The following IPO13 variants were observed in gnomAD, a reference collection of about 807,000 sequenced individuals.
The protein encoded by IPO13 is importin 13, also known as importin-13.
In IPO13, 28 loss-of-function variants were observed where a neutral mutation model predicts 115.5. The ratio of observed to expected loss-of-function variants is 0.24; its 90% CI spans 0.18 to 0.33. The LOEUF (loss-of-function observed/expected upper bound fraction) is 0.33, where lower values mean the gene tolerates loss of function less well. IPO13 is among the 10% of genes least tolerant of loss of function. IPO13 has a pLI of 1.00. For missense variants in IPO13, 785 were observed against 1,204.6 expected (o/e 0.65, Z 5.16); for synonymous variants, 414 against 478.9 (o/e 0.86, Z 1.77).
In IPO13 at chr1:43,961,193, G is replaced by T; in HGVS notation, c.2275G>T (p.Ala759Ser). 3.7e-6 allele frequency: 6 copies of T among 1,614,082 alleles called. No individual in the cohort carries two copies. The highest frequency in any genetic ancestry group is 5.1e-6 in the Non-Finnish European group (6 of 1,179,962). Residue 759 changes from alanine to serine, a missense_variant, in exon 14 of 20, where the codon GCC (alanine) becomes TCC (serine). Ala to Ser is a moderately conservative substitution (Grantham distance 99). Transcript: ENST00000372343. ...GGTCCACATCTTTGCTCATGAGCCT[G>T]CCCACTTTCCCCCAATTGAGGCCCT... Reference protein sequence around the residue: ...QLVHIFAHEPAHFPPIEALFL... With the variant: ...QLVHIFAHEPSHFPPIEALFL...
At chr1:43,959,428 C>T (rs1425032458) in intron 11 of IPO13, among the ~76,000 whole-genome samples, 1 of 152,216 alleles carries the variant, frequency 6.6e-6, no homozygotes, top group Non-Finnish European at 1.5e-5. Flanking sequence ...TGACCACTTA[C>T]AAGCTGCTTG....
At position 43,950,029 on chromosome 1, in the gene IPO13, G is replaced by A. The variant is rs1180202860; in HGVS notation, c.697G>A (p.Glu233Lys). Residue 233 changes from glutamate to lysine, a missense_variant, in exon 2 of 20, where the codon GAG (glutamate) becomes AAG (lysine). Around this residue, in one of 3 missense-constraint regions of IPO13, gnomAD observed 325 missense variants for 449.8 expected, o/e 0.72. Coordinates refer to ENST00000372343, the MANE Select transcript of IPO13 (RefSeq NM_014652.4). ...GTGTTTCTCCAGCTGGGTGCAGCTG[G>A]AGGTGCCGCTGCAGGACTGTGAGGC... ...LKCFSSWVQL[E>K]VPLQDCEALI... 5 of 1,613,498 alleles carry A rather than the reference G, an allele frequency of 3.1e-6. No homozygotes were observed. The highest frequency in any genetic ancestry group is 1.3e-5 in the African/African-American group (1 of 74,938).
intron 12 of IPO13, among the ~76,000 whole-genome samples, chr1:43,960,546 A>C (rs954432024): frequency 2.0e-5 from 3 of 152,224 alleles, no homozygotes; most frequent in African/African-American, 7.2e-5. Context: ...GGGTCGAGTG[A>C]CAGTCAGGCA....
chr1:43,958,547 G>A lies in IPO13; in HGVS notation c.1836G>A (p.Ser612=), dbSNP rs1245618747. The change falls in exon 10 of 20, where the codon TCG becomes TCA. Residue 612 remains serine (S), a synonymous_variant. Coordinates refer to ENST00000372343, the MANE Select transcript of IPO13 (RefSeq NM_014652.4). This position sits in a 1 kb window ranked among gnomAD's most constrained non-coding sequence, Gnocchi z 6.3. ...QVEEILKNLH[S]LISPYIQQLE... ...AGGAGATCCTTAAGAACCTGCACTC[G>A]CTTATCTCACCCTATATCCAGCAAC... 1.2e-6 allele frequency: 2 copies of A among 1,614,122 alleles called. No individual in the cohort carries two copies. The highest frequency in any genetic ancestry group is 8.5e-7 in the Non-Finnish European group (1 of 1,180,034).
rs2085280291 is a variant in IPO13, at chr1:43,960,254, G to A, written c.2034G>A (p.Val678=). The A allele has an allele frequency of 6.2e-7, 1 of 1,614,136 alleles. No homozygotes were observed. Among genetic ancestry groups the A allele is most frequent in the Non-Finnish European group, 8.5e-7 (1 of 1,180,008 alleles). Residue 678 remains valine (V), a synonymous_variant, in exon 12 of 20, where the codon GTG becomes GTA. Coordinates refer to ENST00000372343, the MANE Select transcript of IPO13 (RefSeq NM_014652.4). The part of the protein sequence containing the change: ...LPVPQGPNPV[V]VVLQQVFQLI... ...ACTTCTTCCTGTGCCTTCAGGTGGT[G>A]GTGGTGCTGCAGCAGGTCTTCCAGC...
rs1280362714 is a variant in IPO13 at position 43,956,242 on chromosome 1, G to A, written c.822-78G>A. The A allele has an allele frequency of 2.0e-6, 3 of 1,510,874 alleles. No individual in the cohort carries two copies. In the Admixed American group the frequency reaches 5.4e-5, roughly 27 times the overall value. 93.6% of individuals were successfully genotyped at this position (1,510,874 alleles called of 1,614,324 possible). A position where few individuals can be genotyped will look rare whatever the true frequency, so the allele number is the denominator to read the frequency against. On this transcript the variant is annotated intron_variant, in intron 2 of 19. Transcript: ENST00000372343. This position sits in a 1 kb window ranked among gnomAD's most constrained non-coding sequence, Gnocchi z 4.7. ...AAGGGGAGCTTTGATGGAAGACAAG[G>A]AGATTATGCCTTTCTCTTAAAGCCA...
At chr1:43,964,452 T>C in intron 15 of IPO13, 131 bp downstream of exon 15, 1 of 686,760 alleles carries the variant, frequency 1.5e-6, no homozygotes, top group South Asian at 1.8e-5. Context: ...ATAGAGTTTC[T>C]TCATCTGTTT....
chr1:43,961,805 A>C (rs766792962), intron 14 of IPO13, among the ~76,000 whole-genome samples: 1 of 152,182 alleles, frequency 6.6e-6, no homozygotes, highest in Non-Finnish European at 1.5e-5. Flanking sequence ...TTGCACAGTG[A>C]AGTACTCAGA....
intron 15 of IPO13, among the ~76,000 whole-genome samples, chr1:43,965,727 G>A (rs923412668): frequency 4.0e-5 from 6 of 150,928 alleles, no homozygotes; most frequent in African/African-American, 1.5e-4. Context: ...CATTTCAAGT[G>A]ATGGTGCATG....
chr1:43,966,467 C>T lies in IPO13; in HGVS notation c.2398-108C>T. The T allele has an allele frequency of 1.7e-6, 2 of 1,171,868 alleles. No homozygotes were observed. The highest frequency in any genetic ancestry group is 2.5e-5 in the South Asian group (2 of 78,660). 72.6% of individuals were successfully genotyped at this position (1,171,868 alleles called of 1,614,324 possible). On this transcript the variant is annotated intron_variant, in intron 15 of 19. Transcript: ENST00000372343. The surrounding 1 kb of genome is among the most constrained non-coding windows in gnomAD (Gnocchi z 4.1). ...GAGATGGCTGGGTAGCTGGTTTTGGCAGCCTCTACCTGTGAGGTGTGAAGT... is the reference window on the plus strand; with the variant it reads ...GAGATGGCTGGGTAGCTGGTTTTGGTAGCCTCTACCTGTGAGGTGTGAAGT...
At position 43,966,508 on chromosome 1, in the gene IPO13, C is replaced by T. The variant is rs772471571; in HGVS notation, c.2398-67C>T. The T allele has an allele frequency of 1.8e-5, 27 of 1,505,398 alleles. No homozygotes were observed. Among genetic ancestry groups the T allele is most frequent in the Non-Finnish European group, 2.4e-5 (26 of 1,083,632 alleles). The allele number at this position is 1,505,398 out of a possible 1,614,324, so 93.3% of individuals were successfully genotyped here. A position where few individuals can be genotyped will look rare whatever the true frequency, so the allele number is the denominator to read the frequency against. On this transcript the variant is annotated intron_variant, in intron 15 of 19. Transcript: ENST00000372343. The surrounding 1 kb of genome is among the most constrained non-coding windows in gnomAD (Gnocchi z 4.1). ...GGTGTGAAGTTGGGGGCTGGGGTGG[C>T]AGGTGAGTGGGGGGGATGGTCCTTG...
Position 43,964,276 on chromosome 1 carries a change from G to A in IPO13, c.2352G>A (p.Arg784=). 1.2e-6 allele frequency: 2 copies of A among 1,608,166 alleles called. No individual in the cohort carries two copies. The highest frequency in any genetic ancestry group is 1.7e-6 in the Non-Finnish European group (2 of 1,175,352). Residue 784 remains arginine (R), a synonymous_variant, in exon 15 of 20, where the codon AGG becomes AGA. Transcript: ENST00000372343. ...VTLTLFQQGP[R]DHPDIVDSFM... Reference sequence around the variant, plus strand: ...ATCTTTATTATATTTTAGGGCCCAGGGATCATCCTGATATTGTTGATTCAT... The same window carrying A: ...ATCTTTATTATATTTTAGGGCCCAGAGATCATCCTGATATTGTTGATTCAT...
In IPO13 at chr1:43,961,189, G is replaced by A. The variant is rs1183676330; in HGVS notation, c.2271G>A (p.Glu757=). The change falls in exon 14 of 20, where the codon GAG becomes GAA. Residue 757 remains glutamate (E), a synonymous_variant. Coordinates refer to ENST00000372343, the MANE Select transcript of IPO13 (RefSeq NM_014652.4). ...TRQLVHIFAH[E]PAHFPPIEAL... ...AGCTGGTCCACATCTTTGCTCATGA[G>A]CCTGCCCACTTTCCCCCAATTGAGG... is the stretch of plus-strand genomic sequence containing the variant. 2 of 1,614,014 alleles carry A rather than the reference G, an allele frequency of 1.2e-6. No individual in the cohort carries two copies. Among genetic ancestry groups the A allele is most frequent in the African/African-American group, 2.7e-5 (2 of 74,924 alleles).
intron 5 of IPO13, 48 bp downstream of exon 5, chr1:43,957,024 A>G: frequency 6.3e-7 from 1 of 1,598,570 alleles, no homozygotes; most frequent in South Asian, 1.1e-5. Context: ...AGAAATAATG[A>G]AGGCAATGAG....
chr1:43,965,499 A>G (rs2085316405), intron 15 of IPO13, among the ~76,000 whole-genome samples: 1 of 151,934 alleles, frequency 6.6e-6, no homozygotes, highest in Non-Finnish European at 1.5e-5. Flanking sequence ...GGGTGTTTTC[A>G]AAGGTGTATC....
chr1:43,955,736 G>T (rs547004243), intron 2 of IPO13, among the ~76,000 whole-genome samples: 4 of 152,164 alleles, frequency 2.6e-5, no homozygotes, highest in African/African-American at 9.7e-5. Flanking sequence ...ACATTTTGAG[G>T]TACTGGGGAT....
Position 43,966,480 on chromosome 1 carries a change from TGA to T in IPO13, c.2398-93_2398-92del. On this transcript the variant is annotated intron_variant, in intron 15 of 19. Transcript: ENST00000372343. The surrounding 1 kb of genome is among the most constrained non-coding windows in gnomAD (Gnocchi z 4.1). Reference sequence around the variant, plus strand: ...AGCTGGTTTTGGCAGCCTCTACCTGTGAGGTGTGAAGTTGGGGGCTGGGGTGG... The same window carrying T: ...AGCTGGTTTTGGCAGCCTCTACCTGTGGTGTGAAGTTGGGGGCTGGGGTGG... The T allele has an allele frequency of 7.8e-7, 1 of 1,273,898 alleles. No individual in the cohort carries two copies. The highest frequency in any genetic ancestry group is 1.1e-6 in the Non-Finnish European group (1 of 880,504). 78.9% of individuals were successfully genotyped at this position (1,273,898 alleles called of 1,614,324 possible). A position where few individuals can be genotyped will look rare whatever the true frequency, so the allele number is the denominator to read the frequency against.
chr1:43,960,279 C>G lies in IPO13; in HGVS notation c.2059C>G (p.Leu687Val), dbSNP rs1042307572. ...VVVVLQQVFQ[L>V]IQKVLSKWLN... ...GGTGGTGCTGCAGCAGGTCTTCCAG[C>G]TTATCCAGAAGGTGCTGAGCAAATG... The change falls in exon 12 of 20, where the codon CTT becomes GTT. Residue 687 changes from leucine to valine, a missense_variant. Leu to Val is a conservative substitution (Grantham distance 32). This residue lies in a region of IPO13 where 285 missense variants were observed against 394.8 expected (regional missense o/e 0.72). Transcript: ENST00000372343. The G allele has an allele frequency of 1.2e-6, 2 of 1,614,042 alleles. No homozygotes were observed. The highest frequency in any genetic ancestry group is 2.7e-5 in the African/African-American group (2 of 74,886).
chr1:43,966,499 C>A lies in IPO13; in HGVS notation c.2398-76C>A. 6.8e-7 allele frequency: 1 copy of A among 1,465,938 alleles called. No individual in the cohort carries two copies. Among genetic ancestry groups the A allele is most frequent in the Non-Finnish European group, 9.5e-7 (1 of 1,049,182 alleles). 90.8% of individuals were successfully genotyped at this position (1,465,938 alleles called of 1,614,324 possible). The stretch of plus-strand genomic sequence containing the variant: ...TACCTGTGAGGTGTGAAGTTGGGGG[C>A]TGGGGTGGCAGGTGAGTGGGGGGGA... On this transcript the variant is annotated intron_variant, in intron 15 of 19. Coordinates refer to ENST00000372343, the MANE Select transcript of IPO13 (RefSeq NM_014652.4). The surrounding 1 kb of genome is among the most constrained non-coding windows in gnomAD (Gnocchi z 4.1).
Sources: gnomAD v4.1 joint callset for allele counts (sites outside exome capture counted in the v4.1 genomes callset) on GRCh38, gnomAD v4.1.1 for gene constraint, gnomAD v4.1.1 regional missense constraint, Gnocchi (gnomAD v3.1) non-coding constraint, MANE v1.5 for transcripts, NCBI Gene and HGNC (gene_info 2026-07-23, HGNC 2026-07-21) for gene names.